Variants in PALD1 observed in about 807,000 individuals in gnomAD.
PALD1 encodes the protein phosphatase domain containing paladin 1, also known as paladin.
Under a neutral mutation model 96.0 loss-of-function variants are expected in PALD1, and 57 were observed. The observed-to-expected ratio is 0.59, with a 90% CI of 0.48 to 0.74. The LOEUF is 0.74. Ranked by LOEUF, PALD1 falls within the 30% of genes least tolerant of loss-of-function variation. The pLI is 0.00. For missense variants in PALD1, 1,063 were observed against 1,143.7 expected (o/e 0.93, Z 1.02); for synonymous variants, 464 against 473.6 (o/e 0.98, Z 0.26).
In PALD1 at chr10:70,488,762, G is replaced by C. The variant is rs180968145; in HGVS notation, c.-30+9703G>C. Among the ~76,000 whole-genome samples, 575 of 152,266 alleles carry C rather than the reference G, an allele frequency of 3.8e-3. 3 individuals carry two copies. The highest frequency in any genetic ancestry group is 6.8e-3 in the Non-Finnish European group (460 of 68,026). On this transcript the variant is annotated intron_variant, in intron 1 of 19. Coordinates refer to ENST00000263563, the MANE Select transcript of PALD1 (RefSeq NM_014431.3). ...AGAGATGGGAAGAAGTCTTCCTGGA[G>C]GTGGTTAATTTAGAGCAGGTTCTGG...
intron 10 of PALD1, 43 bp from the exon 11 acceptor site, chr10:70,537,768 C>A: frequency 7.4e-7 from 1 of 1,351,822 alleles, no homozygotes; most frequent in Non-Finnish European, 1.1e-6. Context: ...AGGGACAAGA[C>A]TGCCTGAGGA....
At position 70,534,071 on chromosome 10, in the gene PALD1, A is replaced by G; in HGVS notation, c.1020A>G (p.Pro340=). ...ACCGCAGTGGGACCACCTCCCAGCC[A>G]GAGTGAGTGGCCCGGGGCCCAGCGT... The part of the protein sequence containing the change: ...LLHRSGTTSQ[P]EAAPTQAKPL... Residue 340 remains proline, a splice_region_variant and synonymous_variant, in exon 8 of 20, where the codon CCA becomes CCG. Coordinates refer to ENST00000263563, the MANE Select transcript of PALD1 (RefSeq NM_014431.3). 3.8e-6 allele frequency: 6 copies of G among 1,597,924 alleles called. No individual in the cohort carries two copies. Among genetic ancestry groups the G allele is most frequent in the Middle Eastern group, 1.8e-4 (1 of 5,464 alleles).
At chr10:70,538,544 C>A in intron 12 of PALD1, 136 bp downstream of exon 12, 1 of 942,370 alleles carries the variant, frequency 1.1e-6, no homozygotes, top group Non-Finnish European at 1.6e-6. Context: ...GTGTTGGGAT[C>A]CTCTTGTGAA....
At chr10:70,512,963 T>C (rs1846542547) in intron 1 of PALD1, among the ~76,000 whole-genome samples, 1 of 151,962 alleles carries the variant, frequency 6.6e-6, no homozygotes, top group African/African-American at 2.4e-5. Flanking sequence ...CTAATTAGAG[T>C]GGAAAATACA....
chr10:70,515,448 T>A (rs1320795304), intron 1 of PALD1, among the ~76,000 whole-genome samples: 1 of 152,244 alleles, frequency 6.6e-6, no homozygotes, highest in African/African-American at 2.4e-5. Context: ...AGCCTGGCTC[T>A]GCCCTGCTGG....
chr10:70,500,773 C>T (rs1033140855), intron 1 of PALD1, among the ~76,000 whole-genome samples: 10 of 152,192 alleles, frequency 6.6e-5, no homozygotes, highest in African/African-American at 2.2e-4. Flanking sequence ...AGCTTGGACT[C>T]TCTTGCTCTG....
At position 70,541,630 on chromosome 10, in the gene PALD1, A is replaced by G. The variant is rs539129622; in HGVS notation, c.2121+96A>G. The G allele has an allele frequency of 3.1e-5, 26 of 851,296 alleles. 1 individual carries two copies. The highest frequency in any genetic ancestry group is 6.0e-5 in the Admixed American group (3 of 50,030). 52.7% of individuals were successfully genotyped at this position (851,296 alleles called of 1,614,324 possible). A position where few individuals can be genotyped will look rare whatever the true frequency, so the allele number is the denominator to read the frequency against. On this transcript the variant is annotated intron_variant, in intron 17 of 19. Coordinates refer to ENST00000263563, the MANE Select transcript of PALD1 (RefSeq NM_014431.3). ...CTAGGGGTCCTCAAAGCACGTCCCA[A>G]TGCAGTCACGTCTGCCACCTCATCA...
rs770331150 is a variant in PALD1, at chr10:70,541,252, G to T, written c.2049+10G>T. 2.7e-5 allele frequency: 43 copies of T among 1,599,056 alleles called. No individual in the cohort carries two copies. Among genetic ancestry groups the T allele is most frequent in the Non-Finnish European group, 3.3e-5 (39 of 1,172,460 alleles). ...CTTCTGGCACATCCAAGTACGTGTG[G>T]CCTCTCAAGTGAGATTAGAGATTTG... On this transcript the variant is annotated intron_variant, in intron 16 of 19. Coordinates refer to ENST00000263563, the MANE Select transcript of PALD1 (RefSeq NM_014431.3).
chr10:70,547,457 A>AAACCCCC lies in PALD1; in HGVS notation c.2262+11_2262+12insAACCCCC. The AAACCCCC allele has an allele frequency of 2.0e-6, 2 of 1,016,460 alleles. No homozygotes were observed. Among genetic ancestry groups the AAACCCCC allele is most frequent in the Non-Finnish European group, 2.7e-6 (2 of 730,170 alleles). The allele number at this position is 1,016,460 out of a possible 1,614,324, so 63.0% of individuals were successfully genotyped here. A position where few individuals can be genotyped will look rare whatever the true frequency, so the allele number is the denominator to read the frequency against. On this transcript the variant is annotated intron_variant, in intron 18 of 19. Transcript: ENST00000263563. The stretch of plus-strand genomic sequence containing the variant: ...TGCACCTACCGCCAGGTGAGCCCCC[A>AAACCCCC]CCCCACCCCACCCCACCCTGCCCCA...
intron 1 of PALD1, among the ~76,000 whole-genome samples, chr10:70,510,920 T>C (rs568110210): frequency 7.9e-5 from 12 of 152,114 alleles, no homozygotes; most frequent in Non-Finnish European, 1.6e-4. Context: ...GTGCATCTCG[T>C]GTGTGTATCC....
chr10:70,478,182 G>A (rs1165561233), upstream of PALD1, among the ~76,000 whole-genome samples: 1 of 152,204 alleles, frequency 6.6e-6, no homozygotes, highest in Non-Finnish European at 1.5e-5. Context: ...GTTTCCTTAG[G>A]ACCCCGGGGC....
chr10:70,461,189 C>A, the PALD1 span, among the ~76,000 whole-genome samples: 199 of 152,378 alleles, frequency 1.3e-3, 1 homozygote, highest in African/African-American at 4.5e-3. Context: ...ATTGCAGGGC[C>A]TTTGCCCCTG....
chr10:70,519,058 C>T (rs1279218444), intron 1 of PALD1, among the ~76,000 whole-genome samples: 1 of 152,192 alleles, frequency 6.6e-6, no homozygotes, highest in Non-Finnish European at 1.5e-5. Context: ...ATATCACTCT[C>T]CTGTTCTGTG....
intron 1 of PALD1, among the ~76,000 whole-genome samples, chr10:70,497,312 T>A (rs1247630766): frequency 1.3e-5 from 2 of 152,262 alleles, no homozygotes; most frequent in African/African-American, 4.8e-5. Context: ...CGTGTGCTCC[T>A]GGCGGGTGCA....
At chr10:70,468,862 T>A in the PALD1 span, among the ~76,000 whole-genome samples, 1 of 151,932 alleles carries the variant, frequency 6.6e-6, no homozygotes, top group Non-Finnish European at 1.5e-5. Flanking sequence ...GCAGGACTCT[T>A]ATTATGGTCC....
At chr10:70,528,779 T>C (rs1846925796) in intron 2 of PALD1, among the ~76,000 whole-genome samples, 1 of 152,184 alleles carries the variant, frequency 6.6e-6, no homozygotes, top group Non-Finnish European at 1.5e-5. Context: ...AGGCCCCTTC[T>C]CCCTCATTGC....
intron 1 of PALD1, among the ~76,000 whole-genome samples, chr10:70,480,021 G>A (rs1245170900): frequency 6.6e-6 from 1 of 152,250 alleles, no homozygotes; most frequent in Non-Finnish European, 1.5e-5. Flanking sequence ...TAATTGCTAT[G>A]TGAGTAATGT....
At chr10:70,545,744 G>A (rs1247720590) in intron 17 of PALD1, among the ~76,000 whole-genome samples, 1 of 151,970 alleles carries the variant, frequency 6.6e-6, no homozygotes. Context: ...GGCTGGGGTG[G>A]GGAATTATAT....
intron 1 of PALD1, among the ~76,000 whole-genome samples, chr10:70,494,761 G>C (rs952494095): frequency 1.3e-5 from 2 of 152,238 alleles, no homozygotes; most frequent in Non-Finnish European, 2.9e-5. Flanking sequence ...ACAGCTTCCT[G>C]TGGAAGGGGA....
Sources: allele counts gnomAD v4.1 joint callset (sites outside exome capture counted in the v4.1 genomes callset), GRCh38; gene constraint gnomAD v4.1.1; transcripts MANE v1.5; gene names NCBI Gene and HGNC (gene_info 2026-07-23, HGNC 2026-07-21).